NAXD: variants seen among roughly 807,000 people sequenced by gnomAD.
NAXD encodes the protein NAD(P)HX dehydratase.
NAXD carries 22 observed loss-of-function variants against 35.8 expected under a neutral mutation model. That is an observed-to-expected ratio of 0.62 (90% CI 0.44 to 0.88). NAXD has a LOEUF of 0.88. NAXD is among the 40% of genes least tolerant of loss of function. NAXD has a pLI of 0.00. For synonymous variants in NAXD, 189 were observed against 177.6 expected (o/e 1.06, Z -0.51); for missense variants, 428 against 437.7 (o/e 0.98, Z 0.20).
intron 4 of NAXD, among the ~76,000 whole-genome samples, chr13:110,626,353 T>C (rs1350992253): frequency 1.3e-5 from 2 of 152,116 alleles, no homozygotes; most frequent in Non-Finnish European, 2.9e-5. Context: ...GGTTTTGGTC[T>C]GAGCGAGTGG....
rs2139640033 is a variant in NAXD at position 110,627,447 on chromosome 13, C to G, written c.341C>G (p.Pro114Arg). 1 of 1,612,698 alleles carries G rather than the reference C, an allele frequency of 6.2e-7. No homozygotes were observed. The highest frequency in any genetic ancestry group is 1.3e-5 in the African/African-American group (1 of 75,008). The change falls in exon 5 of 10, where the codon CCC becomes CGC. Residue 114 changes from proline (P) to arginine (R), a missense_variant. Transcript: ENST00000680254. ...ELIVHPVLDS[P>R]NAVHEVEKWL... Reference sequence around the variant, plus strand: ...TTCCTTTCCTTCTTTAGTGACAGCCCCAATGCTGTTCATGAGGTGGAGAAG... The same window carrying G: ...TTCCTTTCCTTCTTTAGTGACAGCCGCAATGCTGTTCATGAGGTGGAGAAG...
At position 110,627,551 on chromosome 13, in the gene NAXD, A is replaced by T. The variant is rs1164500955; in HGVS notation, c.441+4A>T. On this transcript the variant is annotated splice_donor_region_variant and intron_variant, in intron 5 of 9. Coordinates refer to ENST00000680254, the MANE Select transcript of NAXD (RefSeq NM_001242882.2). ...TGCGCTTCTCAGAAATGTCCAGGTA[A>T]TGTGTATACTCACTCACTTCCCTCA... 6.3e-6 allele frequency: 10 copies of T among 1,592,582 alleles called. No individual in the cohort carries two copies. Among genetic ancestry groups the T allele is most frequent in the Admixed American group, 1.7e-5 (1 of 59,952 alleles).
intron 9 of NAXD, 71 bp downstream of exon 9, chr13:110,637,320 CG>C: frequency 6.4e-7 from 1 of 1,556,606 alleles, no homozygotes; most frequent in South Asian, 1.1e-5. Flanking sequence ...GTAGCTCATG[CG>C]TTGAATAAGT....
intron 4 of NAXD, among the ~76,000 whole-genome samples, chr13:110,626,228 A>G (rs1201109164): frequency 2.0e-5 from 3 of 151,034 alleles, no homozygotes; most frequent in Non-Finnish European, 4.4e-5. Flanking sequence ...TGTGGGAGGG[A>G]AGGGTGCAGT....
chr13:110,638,539 A>T lies in NAXD; in HGVS notation c.*11A>T. The T allele has an allele frequency of 1.2e-6, 2 of 1,611,298 alleles. No homozygotes were observed. Among genetic ancestry groups the T allele is most frequent in the Non-Finnish European group, 1.7e-6 (2 of 1,178,790 alleles). On this transcript the variant is annotated 3_prime_UTR_variant, in exon 10 of 10. Coordinates refer to ENST00000680254, the MANE Select transcript of NAXD (RefSeq NM_001242882.2). The surrounding 1 kb of genome is among the most constrained non-coding windows in gnomAD (Gnocchi z 5.4). ...CTCTTTGAAACCTGAGCCCGCGCAGACCAGAAGTAAACAGGCACCTTGGAC... is the reference window on the plus strand; with the variant it reads ...CTCTTTGAAACCTGAGCCCGCGCAGTCCAGAAGTAAACAGGCACCTTGGAC...
At chr13:110,619,188 G>A (rs11838902) in intron 1 of NAXD, among the ~76,000 whole-genome samples, 7,069 of 152,142 alleles carry the variant, frequency 0.046, 373 homozygotes, top group African/African-American at 0.13. Flanking sequence ...GTTCAGTGTG[G>A]GTTTATGGTA....
chr13:110,637,771 G>GC (rs1886989700), intron 9 of NAXD: 1 of 462,736 alleles, frequency 2.2e-6, no homozygotes, highest in African/African-American at 2.0e-5. Context: ...GGTGGTGGCT[G>GC]CAGGTGCTAG....
At chr13:110,622,413 GCTGGCTGCTTACCTGA>G in intron 2 of NAXD, 47 bp downstream of exon 2, 1 of 1,595,288 alleles carries the variant, frequency 6.3e-7, no homozygotes, top group South Asian at 1.1e-5. Context: ...TCAGTTGCTG[GCTGGCTGCTTACCTGA>G]CTGTCATTCA....
chr13:110,616,105 G>A (rs1430229823), intron 1 of NAXD: 1 of 313,608 alleles, frequency 3.2e-6, no homozygotes, highest in Non-Finnish European at 5.8e-6. Context: ...GGATCCGTCT[G>A]CTCTGCTCTG....
rs1159545786 is a variant in NAXD, at chr13:110,634,677, C to T, written c.498C>T (p.Gly166=). The stretch of plus-strand genomic sequence containing the variant: ...CGGCTCCTTGTTCTGTGCAGGATGG[C>T]CTGTGGCTGGTCGCTCAGCAGCCGG... The part of the protein sequence containing the change: ...RDIPVVIDAD[G]LWLVAQQPAL... The change falls in exon 7 of 10, where the codon GGC becomes GGT. Residue 166 remains glycine, a synonymous_variant. Transcript: ENST00000680254. 1.2e-6 allele frequency: 2 copies of T among 1,614,174 alleles called. No individual in the cohort carries two copies. Among genetic ancestry groups the T allele is most frequent in the Non-Finnish European group, 1.7e-6 (2 of 1,179,990 alleles).
chr13:110,624,107 C>G, intron 2 of NAXD, 127 bp from the exon 3 acceptor site: 2 of 592,406 alleles, frequency 3.4e-6, no homozygotes, highest in Non-Finnish European at 3.0e-6. Flanking sequence ...TGCTTCATGT[C>G]TCTGTTATTT....
chr13:110,636,438 AC>A (rs1374682006), intron 8 of NAXD, among the ~76,000 whole-genome samples: 1 of 152,116 alleles, frequency 6.6e-6, no homozygotes. Context: ...GCACTTATAC[AC>A]ATGCATGGTC....
At chr13:110,636,303 G>A (rs1158929079) in intron 8 of NAXD, among the ~76,000 whole-genome samples, 2 of 152,266 alleles carry the variant, frequency 1.3e-5, no homozygotes, top group Admixed American at 6.5e-5. Flanking sequence ...ACACTGAGGC[G>A]TCTGTGGGCG....
In NAXD at chr13:110,638,145, G is replaced by A; in HGVS notation, c.840-233G>A. The A allele has an allele frequency of 7.9e-7, 1 of 1,261,958 alleles. No individual in the cohort carries two copies. The highest frequency in any genetic ancestry group is 2.6e-4 in the Middle Eastern group (1 of 3,836). The allele number at this position is 1,261,958 out of a possible 1,614,324, so 78.2% of individuals were successfully genotyped here. On this transcript the variant is annotated intron_variant, in intron 9 of 9. Transcript: ENST00000680254. The surrounding 1 kb of genome is among the most constrained non-coding windows in gnomAD (Gnocchi z 5.4). ...CACTGTGTGCCCTAGCCCTGGACCTGTCTCCGAGTACATAGACGTTTCCTG... is the reference window on the plus strand; with the variant it reads ...CACTGTGTGCCCTAGCCCTGGACCTATCTCCGAGTACATAGACGTTTCCTG...
In NAXD at chr13:110,638,234, C is replaced by T. The variant is rs1481922154; in HGVS notation, c.840-144C>T. ...GTTTTCGCTGTGATAAACCTGCTTT[C>T]TCCTCAGGGGCATATCAGACTTGAA... is the stretch of plus-strand genomic sequence containing the variant. On this transcript the variant is annotated intron_variant, in intron 9 of 9. Transcript: ENST00000680254. The surrounding 1 kb of genome is among the most constrained non-coding windows in gnomAD (Gnocchi z 5.4). The T allele has an allele frequency of 1.3e-6, 2 of 1,543,814 alleles. No individual in the cohort carries two copies. The highest frequency in any genetic ancestry group is 4.1e-5 in the Admixed American group (2 of 49,160).
At chr13:110,637,039 G>C (rs1594186546) in intron 8 of NAXD, 90 bp from the exon 9 acceptor site, 1 of 1,445,160 alleles carries the variant, frequency 6.9e-7, no homozygotes, top group East Asian at 2.5e-5. Context: ...GTGTGGCTCT[G>C]CCTGCCGTGC....
rs1886430839 is a variant in NAXD at position 110,625,381 on chromosome 13, CAG to C, written c.332+106_332+107del. ...AGCGTCCTGATGGATTTTCCATCCT[CAG>C]AGTTTCTCAGCAGGTGCTGTAGAGG... On this transcript the variant is annotated intron_variant, in intron 4 of 9. Coordinates refer to ENST00000680254, the MANE Select transcript of NAXD (RefSeq NM_001242882.2). The C allele has an allele frequency of 6.6e-6, 5 of 755,356 alleles. No homozygotes were observed. The Admixed American group carries it at 8.3e-5, about 13-fold the overall frequency. 46.8% of individuals were successfully genotyped at this position (755,356 alleles called of 1,614,324 possible).
chr13:110,639,206 C>T lies in NAXD; in HGVS notation c.*678C>T, dbSNP rs1282145784. 1.9e-5 allele frequency: 3 copies of T among 161,630 alleles called. No individual in the cohort carries two copies. Among genetic ancestry groups the T allele is most frequent in the Admixed American group, 6.0e-5 (1 of 16,762 alleles). The allele number at this position is 161,630 out of a possible 1,614,324, so 10.0% of individuals were successfully genotyped here. On this transcript the variant is annotated 3_prime_UTR_variant, in exon 10 of 10. Transcript: ENST00000680254. ...GACCCTTGAGTGTGTGGGTGGGGAGCTCTGAGACGCCTCCTGTCCCACGCT... is the reference window on the plus strand; with the variant it reads ...GACCCTTGAGTGTGTGGGTGGGGAGTTCTGAGACGCCTCCTGTCCCACGCT...
chr13:110,616,172 G>A, intron 1 of NAXD: 1 of 202,970 alleles, frequency 4.9e-6, no homozygotes, highest in Non-Finnish European at 9.8e-6. Flanking sequence ...TGTTTGGTCG[G>A]AGCTGGATAC....
Sources: gnomAD v4.1 joint callset for allele counts (sites outside exome capture counted in the v4.1 genomes callset) on GRCh38, gnomAD v4.1.1 for gene constraint, Gnocchi (gnomAD v3.1) non-coding constraint, MANE v1.5 for transcripts, NCBI Gene and HGNC (gene_info 2026-07-23, HGNC 2026-07-21) for gene names.